FAM162A: variants seen among roughly 807,000 people sequenced by gnomAD.
FAM162A encodes the protein family with sequence similarity 162 member A, also known as protein FAM162A.
FAM162A carries 23 observed loss-of-function variants against 21.8 expected under a neutral mutation model. The ratio of observed to expected loss-of-function variants is 1.05; its 90% CI spans 0.76 to 1.49. The LOEUF (loss-of-function observed/expected upper bound fraction) is 1.49, where lower values mean the gene tolerates loss of function less well. Among genes scored for constraint, FAM162A ranks in the 40% most tolerant of loss-of-function variants. The pLI, the probability that FAM162A is intolerant of heterozygous loss-of-function variation, is 0.00. For missense variants in FAM162A, 165 were observed against 186.4 expected (o/e 0.89, Z 0.67); for synonymous variants, 53 against 61.3 (o/e 0.86, Z 0.64).
chr3:122,401,446 T>C, intron 1 of FAM162A: 1 of 1,179,500 alleles, frequency 8.5e-7, no homozygotes, highest in Non-Finnish European at 1.1e-6. Flanking sequence ...GAGATCAGGC[T>C]TGACTTGAGA....
In FAM162A at chr3:122,411,945, T is replaced by A. The variant is rs1191883047; in HGVS notation, c.*2114T>A. Reference sequence around the variant, plus strand: ...AACAGTCATTTCTCATTTGTGTTATTCTCCTATTTGATAACATATAGTGAC... The same window carrying A: ...AACAGTCATTTCTCATTTGTGTTATACTCCTATTTGATAACATATAGTGAC... On this transcript the variant is annotated 3_prime_UTR_variant, in exon 5 of 5. Coordinates refer to ENST00000477892, the MANE Select transcript of FAM162A (RefSeq NM_014367.4). The A allele has an allele frequency of 6.6e-6, 1 of 152,200 alleles. No individual in the cohort carries two copies. Among genetic ancestry groups the A allele is most frequent in the Admixed American group, 6.5e-5 (1 of 15,272 alleles). The allele number at this position is 152,200 out of a possible 1,614,324, so 9.4% of individuals were successfully genotyped here.
rs149972682 is a variant in FAM162A, at chr3:122,388,049, C to T, written c.34+3750C>T. ...ACCAAATGAATTTGGACCAAAAAAA[C>T]CTTTTAGCAGGAGAAGTAACACAAG... On this transcript the variant is annotated intron_variant, in intron 1 of 4. Coordinates refer to ENST00000477892, the MANE Select transcript of FAM162A (RefSeq NM_014367.4). Among the ~76,000 whole-genome samples, 79 of 152,260 alleles carry T rather than the reference C, an allele frequency of 5.2e-4. No homozygotes were observed. The East Asian group carries it at 0.014, about 28-fold the overall frequency.
rs2075614532 is a variant in FAM162A, at chr3:122,393,658, T to C, written c.35-9102T>C. 2.6e-5 allele frequency among the ~76,000 whole-genome samples: 4 copies of C among 152,234 alleles called. No individual in the cohort carries two copies. In the South Asian group the frequency reaches 8.3e-4, roughly 31 times the overall value. The stretch of plus-strand genomic sequence containing the variant: ...GAGTTTATTCACTGCAAACAGTGTT[T>C]TCCCTGGTGCATTTGTTGAAAATAA... On this transcript the variant is annotated intron_variant, in intron 1 of 4. Coordinates refer to ENST00000477892, the MANE Select transcript of FAM162A (RefSeq NM_014367.4).
chr3:122,402,030 G>T (rs2075655646), intron 1 of FAM162A, among the ~76,000 whole-genome samples: 1 of 151,796 alleles, frequency 6.6e-6, no homozygotes, highest in Admixed American at 6.6e-5. Flanking sequence ...AGTTGCTTTT[G>T]GCATCTTCAT....
Position 122,402,902 on chromosome 3 carries a change from A to G in FAM162A, c.157+20A>G, listed in dbSNP as rs755484459. The G allele has an allele frequency of 7.6e-6, 12 of 1,580,818 alleles. 1 individual carries two copies. The South Asian group carries it at 9.6e-5, about 13-fold the overall frequency. ...CATCCCGTAAGTTTTTATTTTTTCT[A>G]TTTATGGAGTTGGTAGCTCCCAAAG... is the stretch of plus-strand genomic sequence containing the variant. On this transcript the variant is annotated intron_variant, in intron 2 of 4. Coordinates refer to ENST00000477892, the MANE Select transcript of FAM162A (RefSeq NM_014367.4).
intron 1 of FAM162A, among the ~76,000 whole-genome samples, chr3:122,395,612 C>T (rs2075623464): frequency 6.6e-6 from 1 of 152,194 alleles, no homozygotes; most frequent in African/African-American, 2.4e-5. Flanking sequence ...AAGAATTCCT[C>T]AAATTGATCT....
chr3:122,384,754 C>T (rs796433855), intron 1 of FAM162A, among the ~76,000 whole-genome samples: 12 of 152,272 alleles, frequency 7.9e-5, no homozygotes, highest in African/African-American at 2.9e-4. Context: ...CTGAAGTTTC[C>T]CCACTCATTA....
intron 1 of FAM162A, among the ~76,000 whole-genome samples, chr3:122,386,424 A>G (rs2107694093): frequency 6.6e-6 from 1 of 152,180 alleles, no homozygotes; most frequent in East Asian, 1.9e-4. Context: ...ATGGTGGCTC[A>G]AACCCATAGT....
chr3:122,394,206 G>A (rs2075617051), intron 1 of FAM162A, among the ~76,000 whole-genome samples: 1 of 152,092 alleles, frequency 6.6e-6, no homozygotes, highest in African/African-American at 2.4e-5. Context: ...AACTATTCAT[G>A]AGAAATCCAC....
chr3:122,405,836 G>A lies in FAM162A; in HGVS notation c.264-1445G>A, dbSNP rs527680950. On this transcript the variant is annotated intron_variant, in intron 3 of 4. Transcript: ENST00000477892. The stretch of plus-strand genomic sequence containing the variant: ...GGCACTTCAAATCCCATAAAATACC[G>A]TCAACATGGGAAGTCAGTTTGTGGT... 3.1e-3 allele frequency among the ~76,000 whole-genome samples: 475 copies of A among 152,196 alleles called. 5 individuals carry two copies. The highest frequency in any genetic ancestry group is 6.2e-3 in the South Asian group (30 of 4,814).
At chr3:122,392,252 G>C (rs542162449) in intron 1 of FAM162A, among the ~76,000 whole-genome samples, 26 of 152,150 alleles carry the variant, frequency 1.7e-4, no homozygotes, top group Non-Finnish European at 3.4e-4. Flanking sequence ...TCTGTTTAAA[G>C]AGCAGAGTCC....
chr3:122,395,360 TAC>T (rs1473648985), intron 1 of FAM162A, among the ~76,000 whole-genome samples: 1 of 152,202 alleles, frequency 6.6e-6, no homozygotes, highest in Non-Finnish European at 1.5e-5. Flanking sequence ...TCCTAAGGAA[TAC>T]ACACACACAT....
Position 122,411,040 on chromosome 3 carries a change from T to TA in FAM162A, c.*1210dup, listed in dbSNP as rs1560003974. 1 of 152,224 alleles carries TA rather than the reference T, an allele frequency of 6.6e-6. No individual in the cohort carries two copies. 9.4% of individuals were successfully genotyped at this position (152,224 alleles called of 1,614,324 possible). A position where few individuals can be genotyped will look rare whatever the true frequency, so the allele number is the denominator to read the frequency against. On this transcript the variant is annotated 3_prime_UTR_variant, in exon 5 of 5. Transcript: ENST00000477892. ...GTATGTATGTATACGAAAAACATAG[T>TA]ATATGCAGGGTTGGGTACTATCCAC...
At chr3:122,393,666 T>G (rs1489150965) in intron 1 of FAM162A, among the ~76,000 whole-genome samples, 2 of 152,216 alleles carry the variant, frequency 1.3e-5, no homozygotes, top group African/African-American at 2.4e-5. Flanking sequence ...TTTTCCCTGG[T>G]GCATTTGTTG....
rs1364609908 is a variant in FAM162A, at chr3:122,410,214, G to A, written c.*383G>A. ...TGAGTATATGGCCCAGGTGCAGCTT[G>A]GAGGGCCAGCCTTCTCAAATGTCCT... is the stretch of plus-strand genomic sequence containing the variant. On this transcript the variant is annotated 3_prime_UTR_variant, in exon 5 of 5. Coordinates refer to ENST00000477892, the MANE Select transcript of FAM162A (RefSeq NM_014367.4). The A allele has an allele frequency of 1.2e-5, 4 of 325,916 alleles. No homozygotes were observed. The highest frequency in any genetic ancestry group is 2.4e-5 in the Non-Finnish European group (4 of 168,236). The allele number at this position is 325,916 out of a possible 1,614,324, so 20.2% of individuals were successfully genotyped here.
chr3:122,407,389 G>C lies in FAM162A; in HGVS notation c.372G>C (p.Lys124Asn). The change falls in exon 4 of 5, where the codon AAG becomes AAC. Residue 124 changes from lysine to asparagine, a missense_variant and splice_region_variant. Transcript: ENST00000477892. ...TCTTCATGGTTATTGAGGGCAAGAA[G>C]GTGAGAAGGGGTTTCTTCTCTATCC... ...GCIFMVIEGKKAAQRHETLTS... is the reference protein window; with the variant it reads ...GCIFMVIEGKNAAQRHETLTS... 1 of 1,609,280 alleles carries C rather than the reference G, an allele frequency of 6.2e-7. No individual in the cohort carries two copies. The highest frequency in any genetic ancestry group is 1.1e-5 in the South Asian group (1 of 90,982).
intron 4 of FAM162A, among the ~76,000 whole-genome samples, chr3:122,408,910 T>C (rs571180625): frequency 2.0e-5 from 3 of 152,288 alleles, no homozygotes; most frequent in South Asian, 2.1e-4. Context: ...TCTGTTTCCA[T>C]AAATACTACT....
chr3:122,407,860 T>C (rs187612767), intron 4 of FAM162A: 72 of 165,876 alleles, frequency 4.3e-4, no homozygotes, highest in Admixed American at 1.5e-3. Context: ...AAGCAGTACA[T>C]AGGAATACAA....
intron 1 of FAM162A, among the ~76,000 whole-genome samples, chr3:122,396,890 C>A (rs2075630568): frequency 6.6e-6 from 1 of 152,000 alleles, no homozygotes; most frequent in African/African-American, 2.4e-5. Context: ...TGTATGATTC[C>A]ATTTATATAA....
Sources: allele counts gnomAD v4.1 joint callset (sites outside exome capture counted in the v4.1 genomes callset), GRCh38; gene constraint gnomAD v4.1.1; transcripts MANE v1.5; gene names NCBI Gene and HGNC (gene_info 2026-07-23, HGNC 2026-07-21).